CCDC81: variants seen among roughly 807,000 people sequenced by gnomAD.
CCDC81 encodes the protein coiled-coil domain containing 81.
Under a neutral mutation model 83.7 loss-of-function variants are expected in CCDC81, and 79 were observed. That is an observed-to-expected ratio of 0.94 (90% CI 0.79 to 1.14). CCDC81 has a LOEUF of 1.14. Ranked by LOEUF, CCDC81 falls within the 50% of genes most tolerant of loss-of-function variation. CCDC81 has a pLI of 0.00. For missense variants in CCDC81, 791 were observed against 778.1 expected, an observed-to-expected ratio of 1.02 and a Z score of -0.20; for synonymous variants, 252 against 278.1, an observed-to-expected ratio of 0.91 and a Z score of 0.93.
chr11:86,406,486 C>G (rs1948568048), intron 7 of CCDC81, among the ~76,000 whole-genome samples: 1 of 152,146 alleles, frequency 6.6e-6, no homozygotes, highest in Admixed American at 6.6e-5. Context: ...GCTTCTGAAT[C>G]TGTTCTCTAT....
chr11:86,384,288 C>T (rs903692011), intron 1 of CCDC81, among the ~76,000 whole-genome samples: 3 of 152,032 alleles, frequency 2.0e-5, no homozygotes, highest in Middle Eastern at 3.2e-3. Flanking sequence ...TTCTTAGCAG[C>T]CTGTAGTAGA....
At chr11:86,417,318 T>A (rs940388960) in intron 13 of CCDC81, among the ~76,000 whole-genome samples, 6 of 152,060 alleles carry the variant, frequency 3.9e-5, no homozygotes, top group African/African-American at 9.7e-5. Context: ...GAAAATTTTT[T>A]AAATTTTTTT....
At chr11:86,379,558 T>A (rs893441528) in intron 1 of CCDC81, among the ~76,000 whole-genome samples, 1 of 152,228 alleles carries the variant, frequency 6.6e-6, no homozygotes, top group Non-Finnish European at 1.5e-5. Flanking sequence ...CTTGTATCAT[T>A]GCTGTCATTC....
At chr11:86,391,264 A>G (rs1194562515) in intron 3 of CCDC81, among the ~76,000 whole-genome samples, 2 of 152,214 alleles carry the variant, frequency 1.3e-5, no homozygotes, top group Admixed American at 6.5e-5. Context: ...TAAATTGTGC[A>G]GGAGACAGCA....
At chr11:86,387,427 C>T in intron 2 of CCDC81, 89 bp from the exon 3 acceptor site, 1 of 1,296,220 alleles carries the variant, frequency 7.7e-7, no homozygotes, top group South Asian at 1.3e-5. Flanking sequence ...AAGCTTACTT[C>T]TCTTCGTGTT....
intron 6 of CCDC81, 87 bp from the exon 7 acceptor site, chr11:86,400,591 T>C (rs1948472332): frequency 1.6e-5 from 21 of 1,272,886 alleles, no homozygotes; most frequent in South Asian, 6.2e-5. Flanking sequence ...GTGTATCTTA[T>C]ATGAAAATTT....
In CCDC81 at chr11:86,408,160, C is replaced by T. The variant is rs755322182; in HGVS notation, c.1003C>T (p.Arg335Ter). ...CTATGTATGTTTGCAACGAGCACAA[C>T]GAAATTCCCTGTTGTACTACAGTGA... ...MCYVCLQRAQRNSLLYYSEER... is the reference protein window; with the variant it reads ...MCYVCLQRAQ Residue 335 changes from arginine (R) to a stop codon, truncating the protein, a stop_gained, in exon 9 of 15, where the codon CGA becomes TGA. Coordinates refer to ENST00000445632, the MANE Select transcript of CCDC81 (RefSeq NM_001156474.2). LOFTEE classifies it high-confidence loss of function. 9.3e-6 allele frequency: 15 copies of T among 1,613,618 alleles called. No homozygotes were observed. Among genetic ancestry groups the T allele is most frequent in the Admixed American group, 6.7e-5 (4 of 59,942 alleles).
intron 1 of CCDC81, among the ~76,000 whole-genome samples, chr11:86,376,001 T>C (rs948048282): frequency 1.3e-5 from 2 of 152,232 alleles, no homozygotes; most frequent in Non-Finnish European, 1.5e-5. Context: ...CAAATCATCC[T>C]GAAAGATGCA....
intron 1 of CCDC81, among the ~76,000 whole-genome samples, chr11:86,385,440 A>G (rs1424589473): frequency 1.3e-5 from 2 of 152,234 alleles, no homozygotes; most frequent in Non-Finnish European, 2.9e-5. Flanking sequence ...TCCAGAACAC[A>G]GTAGATAAGA....
At chr11:86,398,954 T>C (rs1008661642) in intron 6 of CCDC81, among the ~76,000 whole-genome samples, 11 of 152,290 alleles carry the variant, frequency 7.2e-5, no homozygotes, top group Non-Finnish European at 1.0e-4. Context: ...CTCTAGCAGA[T>C]TGTTGCTTTG....
chr11:86,386,909 A>T (rs1948249471), intron 2 of CCDC81, among the ~76,000 whole-genome samples: 2 of 152,154 alleles, frequency 1.3e-5, no homozygotes, highest in South Asian at 2.1e-4. Context: ...TAGCCATCAC[A>T]TTCCCTGGCT....
chr11:86,390,356 C>T (rs937746690), intron 3 of CCDC81, among the ~76,000 whole-genome samples: 1 of 151,992 alleles, frequency 6.6e-6, no homozygotes, highest in Non-Finnish European at 1.5e-5. Flanking sequence ...CGGGTACTTC[C>T]GTATGGCTGA....
rs1948078688 is a variant in CCDC81, at chr11:86,374,928, A to T, written c.-236A>T. 2.1e-6 allele frequency: 1 copy of T among 481,738 alleles called. No individual in the cohort carries two copies. Among genetic ancestry groups the T allele is most frequent in the Admixed American group, 3.1e-5 (1 of 32,390 alleles). 29.8% of individuals were successfully genotyped at this position (481,738 alleles called of 1,614,324 possible). A position where few individuals can be genotyped will look rare whatever the true frequency, so the allele number is the denominator to read the frequency against. ...CAGTTCCTGCGGCTCTTGCTGTGGG[A>T]GCTGCCCGAGAGCCAGAGCAGTGGG... On this transcript the variant is annotated 5_prime_UTR_variant, in exon 1 of 15. Coordinates refer to ENST00000445632, the MANE Select transcript of CCDC81 (RefSeq NM_001156474.2).
intron 10 of CCDC81, among the ~76,000 whole-genome samples, chr11:86,410,895 C>T (rs4944575): frequency 0.78 from 118,738 of 152,130 alleles, 46,406 homozygotes; most frequent in South Asian, 0.86. Context: ...GTATCCAATA[C>T]CTGTCCAAAT....
At chr11:86,400,566 T>C in intron 6 of CCDC81, 112 bp from the exon 7 acceptor site, 1 of 1,092,612 alleles carries the variant, frequency 9.2e-7, no homozygotes, top group Non-Finnish European at 1.3e-6. Flanking sequence ...GGGGTGATTA[T>C]TTAAAGATAA....
chr11:86,392,830 T>C (rs749242905), intron 4 of CCDC81, 33 bp downstream of exon 4: 3 of 1,532,792 alleles, frequency 2.0e-6, no homozygotes, highest in Non-Finnish European at 1.8e-6. Flanking sequence ...CTAAGTCTTC[T>C]CCTAATTGTG....
chr11:86,419,006 T>G (rs535481070), intron 13 of CCDC81: 27 of 152,320 alleles, frequency 1.8e-4, no homozygotes, highest in African/African-American at 6.5e-4. Flanking sequence ...ATAATAACCA[T>G]ACAATAGCTG....
At chr11:86,385,627 C>T (rs1411062136) in intron 1 of CCDC81, among the ~76,000 whole-genome samples, 1 of 152,160 alleles carries the variant, frequency 6.6e-6, no homozygotes, top group African/African-American at 2.4e-5. Flanking sequence ...GGCCTTTTGC[C>T]TTATTCCTGT....
intron 14 of CCDC81, among the ~76,000 whole-genome samples, chr11:86,422,119 G>T (rs577367221): frequency 3.2e-4 from 48 of 152,300 alleles, no homozygotes; most frequent in African/African-American, 1.1e-3. Context: ...GGCCTCCTGG[G>T]ATAGTTCATT....
Sources: gnomAD v4.1 joint callset for allele counts (sites outside exome capture counted in the v4.1 genomes callset) on GRCh38, gnomAD v4.1.1 for gene constraint, MANE v1.5 for transcripts, NCBI Gene and HGNC (gene_info 2026-07-23, HGNC 2026-07-21) for gene names.